The following CA8 variants were observed in gnomAD, a reference collection of about 807,000 sequenced individuals.
CA8 encodes the protein carbonic anhydrase-related protein.
In CA8, 22 loss-of-function variants were observed where a neutral mutation model predicts 41.4. That is an observed-to-expected ratio of 0.53 (90% CI 0.38 to 0.76). The LOEUF (loss-of-function observed/expected upper bound fraction) is 0.76. CA8 is among the 30% of genes least tolerant of loss of function. The pLI is 0.00. For missense variants in CA8, 270 were observed against 352.8 expected, an observed-to-expected ratio of 0.77 and a Z score of 1.88; for synonymous variants, 121 against 130.6, an observed-to-expected ratio of 0.93 and a Z score of 0.50.
In CA8 at chr8:60,185,679, C is replaced by T. The variant is rs1805944840; in HGVS notation, c.*4342G>A. On this transcript the variant is annotated 3_prime_UTR_variant, in exon 9 of 9. Coordinates refer to ENST00000317995, the MANE Select transcript of CA8 (RefSeq NM_004056.6). Reference sequence around the variant, plus strand: ...AACAAAAACAGAAACAGAAACTTTTCACCAGGAGTTTTATATTTAGCAAAA... The same window carrying T: ...AACAAAAACAGAAACAGAAACTTTTTACCAGGAGTTTTATATTTAGCAAAA... 6.6e-6 allele frequency among the ~76,000 whole-genome samples: 1 copy of T among 152,048 alleles called. No homozygotes were observed. The highest frequency in any genetic ancestry group is 1.5e-5 in the Non-Finnish European group (1 of 68,002).
At chr8:60,255,117 C>G (rs1808581944) in intron 3 of CA8, among the ~76,000 whole-genome samples, 1 of 152,120 alleles carries the variant, frequency 6.6e-6, no homozygotes, top group African/African-American at 2.4e-5. Context: ...GGGGTTTTCC[C>G]TGAACAAAGC....
chr8:60,193,929 C>T (rs1806205335), intron 8 of CA8, among the ~76,000 whole-genome samples: 1 of 152,158 alleles, frequency 6.6e-6, no homozygotes, highest in African/African-American at 2.4e-5. Flanking sequence ...GACGATAGAC[C>T]TCTTAAACTG....
At chr8:60,219,946 A>AAAAAAAAAAAC (rs1807186069) in intron 7 of CA8, among the ~76,000 whole-genome samples, 1 of 143,694 alleles carries the variant, frequency 7.0e-6, no homozygotes, top group Admixed American at 6.9e-5. Context: ...AAAAAAAAAA[A>AAAAAAAAAAAC]AAAAAAACAC....
chr8:60,219,993 T>G (rs1371272537), intron 7 of CA8, among the ~76,000 whole-genome samples: 5 of 146,940 alleles, frequency 3.4e-5, no homozygotes, highest in African/African-American at 1.3e-4. Context: ...AAAACCCTCC[T>G]TGCCTTTCCC....
At chr8:60,275,467 T>TAA (rs35948459) in intron 2 of CA8, among the ~76,000 whole-genome samples, 2,258 of 150,970 alleles carry the variant, frequency 0.015, 65 homozygotes, top group African/African-American at 0.051. Context: ...GTATTTTTTT[T>TAA]AAAAAAAAAG....
intron 7 of CA8, among the ~76,000 whole-genome samples, chr8:60,210,693 T>C (rs774805704): frequency 6.6e-6 from 1 of 152,186 alleles, no homozygotes; most frequent in African/African-American, 2.4e-5. Flanking sequence ...CTGGTTGATT[T>C]CCCTTAATGA....
chr8:60,244,418 C>A (rs1393598876), intron 3 of CA8, among the ~76,000 whole-genome samples: 1 of 152,162 alleles, frequency 6.6e-6, no homozygotes, highest in East Asian at 1.9e-4. Flanking sequence ...AATGCATTCA[C>A]TAAATGAATA....
intron 2 of CA8, among the ~76,000 whole-genome samples, chr8:60,279,230 CTA>C (rs1804332773): frequency 6.6e-6 from 1 of 152,146 alleles, no homozygotes. Context: ...TTTTGGCAAA[CTA>C]ATACAGTAGA....
chr8:60,281,187 G>A lies in CA8; in HGVS notation c.-40C>T. On this transcript the variant is annotated 5_prime_UTR_variant, in exon 1 of 9. Coordinates refer to ENST00000317995, the MANE Select transcript of CA8 (RefSeq NM_004056.6). ...GCCCCTCGGCGCTCTCGGCAGCAGT[G>A]CCTGCGCCTTCGCTGGGCGCGGGGC... The A allele has an allele frequency of 7.0e-7, 1 of 1,426,698 alleles. No homozygotes were observed. Among genetic ancestry groups the A allele is most frequent in the Non-Finnish European group, 9.6e-7 (1 of 1,041,474 alleles). 88.4% of individuals were successfully genotyped at this position (1,426,698 alleles called of 1,614,324 possible).
chr8:60,200,732 A>G (rs2130395986), intron 8 of CA8, among the ~76,000 whole-genome samples: 1 of 150,582 alleles, frequency 6.6e-6, no homozygotes. Flanking sequence ...ACAATAACTA[A>G]CCACCACAAT....
intron 7 of CA8, among the ~76,000 whole-genome samples, chr8:60,215,016 A>C (rs1806966864): frequency 6.6e-6 from 1 of 152,188 alleles, no homozygotes; most frequent in African/African-American, 2.4e-5. Context: ...AAAGGGCAGG[A>C]AAAGGACAGC....
At chr8:60,194,315 C>T (rs1302205137) in intron 8 of CA8, among the ~76,000 whole-genome samples, 1 of 152,100 alleles carries the variant, frequency 6.6e-6, no homozygotes, top group African/African-American at 2.4e-5. Flanking sequence ...ACAACAAAAC[C>T]AGAGTGGAGG....
In CA8 at chr8:60,269,206, C is replaced by T. The variant is rs149653477; in HGVS notation, c.293-3157G>A. ...TTTTATCCATCTGGTAACCCTCTTC[C>T]AGCATTATTCTCCCTTTTTACTGCT... is the stretch of plus-strand genomic sequence containing the variant. On this transcript the variant is annotated intron_variant, in intron 2 of 8. Coordinates refer to ENST00000317995, the MANE Select transcript of CA8 (RefSeq NM_004056.6). Among the ~76,000 whole-genome samples, 11 of 152,238 alleles carry T rather than the reference C, an allele frequency of 7.2e-5. No homozygotes were observed. The East Asian group carries it at 1.9e-3, about 27-fold the overall frequency.
intron 2 of CA8, among the ~76,000 whole-genome samples, chr8:60,271,379 AAAG>A (rs1439087581): frequency 2.0e-5 from 3 of 152,186 alleles, no homozygotes; most frequent in Non-Finnish European, 4.4e-5. Context: ...AAAGAAGGAA[AAAG>A]AAGTTCAGCC....
At chr8:60,216,968 C>T (rs1019076559) in intron 7 of CA8, among the ~76,000 whole-genome samples, 3 of 152,156 alleles carry the variant, frequency 2.0e-5, no homozygotes, top group Admixed American at 6.5e-5. Flanking sequence ...ACTGCAACTT[C>T]CGCCTCCCAG....
At chr8:60,215,263 G>A (rs984287508) in intron 7 of CA8, among the ~76,000 whole-genome samples, 1 of 152,020 alleles carries the variant, frequency 6.6e-6, no homozygotes, top group African/African-American at 2.4e-5. Context: ...ATTGGCTTCC[G>A]AATGCTTAGA....
intron 2 of CA8, 105 bp downstream of exon 2, chr8:60,279,584 G>C: frequency 4.2e-6 from 4 of 963,026 alleles, no homozygotes; most frequent in Non-Finnish European, 6.6e-6. Flanking sequence ...TGAAAATAGA[G>C]ATACGTCAGT....
In CA8 at chr8:60,186,937, C is replaced by T. The variant is rs748387153; in HGVS notation, c.*3084G>A. Among the ~76,000 whole-genome samples, 7 of 151,954 alleles carry T rather than the reference C, an allele frequency of 4.6e-5. No individual in the cohort carries two copies. The highest frequency in any genetic ancestry group is 8.8e-5 in the Non-Finnish European group (6 of 67,888). ...TAATAGACAGAAATAGGCATATCAA[C>T]AAGGAAATAGAAGACTTGAACAACA... On this transcript the variant is annotated 3_prime_UTR_variant, in exon 9 of 9. Coordinates refer to ENST00000317995, the MANE Select transcript of CA8 (RefSeq NM_004056.6).
At chr8:60,260,441 A>C (rs927906917) in intron 3 of CA8, among the ~76,000 whole-genome samples, 4 of 152,160 alleles carry the variant, frequency 2.6e-5, no homozygotes, top group Non-Finnish European at 4.4e-5. Flanking sequence ...TCCCCTTCTG[A>C]ATGTGGGGTG....
Sources: gnomAD v4.1 joint callset for allele counts (sites outside exome capture counted in the v4.1 genomes callset) on GRCh38, gnomAD v4.1.1 for gene constraint, MANE v1.5 for transcripts, NCBI Gene and HGNC (gene_info 2026-07-23, HGNC 2026-07-21) for gene names.